Variants in USH2A observed in about 807,000 individuals in gnomAD.
The protein encoded by USH2A is Usher syndrome 2A (autosomal recessive, mild).
A neutral mutation model predicts 538.9 loss-of-function variants in USH2A; 443 were observed. That is an observed-to-expected ratio of 0.82 (90% CI 0.76 to 0.89). USH2A has a LOEUF of 0.89. Ranked by LOEUF, USH2A falls within the 40% of genes least tolerant of loss-of-function variation. USH2A has a pLI of 0.00. For missense variants in USH2A, 6,633 were observed against 6,324.8 expected (o/e 1.05, Z -1.65); for synonymous variants, 2,413 against 2,273.5 (o/e 1.06, Z -1.75).
intron 21 of USH2A, among the ~76,000 whole-genome samples, chr1:216,136,689 G>A (rs2102606989): frequency 6.6e-6 from 1 of 152,284 alleles, no homozygotes; most frequent in East Asian, 1.9e-4. Flanking sequence ...ATGGGGTAGG[G>A]TGAGGCCCTA....
intron 31 of USH2A, 120 bp from the exon 32 acceptor site, chr1:216,046,712 ATTCGTGGGCAGC>A (rs2030537269): frequency 8.5e-7 from 1 of 1,172,858 alleles, no homozygotes; most frequent in African/African-American, 1.5e-5. Context: ...AATATTCCCG[ATTCGTGGGCAGC>A]TTGTCAGTAA....
At chr1:216,051,905 G>A (rs2030795999) in intron 30 of USH2A, among the ~76,000 whole-genome samples, 2 of 152,142 alleles carry the variant, frequency 1.3e-5, no homozygotes, top group Admixed American at 1.3e-4. Context: ...TAACTAGAGT[G>A]AAATGTTGAA....
intron 55 of USH2A, among the ~76,000 whole-genome samples, chr1:215,779,239 G>T (rs939605719): frequency 5.3e-5 from 8 of 152,156 alleles, no homozygotes; most frequent in Non-Finnish European, 8.8e-5. Context: ...TGGCATTTAA[G>T]CTAAAACCTG....
At chr1:215,902,885 T>C (rs1330900749) in intron 38 of USH2A, among the ~76,000 whole-genome samples, 5 of 152,042 alleles carry the variant, frequency 3.3e-5, no homozygotes. Flanking sequence ...AAAGTCTTCA[T>C]AGGAGTTGTA....
chr1:215,672,100 T>C (rs1657836274), intron 63 of USH2A, among the ~76,000 whole-genome samples: 1 of 152,198 alleles, frequency 6.6e-6, no homozygotes, highest in Admixed American at 6.5e-5. Context: ...AAAGGTCTAT[T>C]TACATAGCAG....
chr1:216,297,342 T>C (rs930603874), intron 9 of USH2A, among the ~76,000 whole-genome samples: 1 of 152,076 alleles, frequency 6.6e-6, no homozygotes, highest in African/African-American at 2.4e-5. Context: ...ACAATGACAA[T>C]GGACAGTTAG....
intron 61 of USH2A, among the ~76,000 whole-genome samples, chr1:215,716,897 G>A (rs889742227): frequency 2.6e-5 from 4 of 152,150 alleles, no homozygotes; most frequent in Non-Finnish European, 5.9e-5. Flanking sequence ...TCTTTGGTTG[G>A]CTTAATGGCA....
chr1:216,146,816 C>G (rs2033716292), intron 21 of USH2A, among the ~76,000 whole-genome samples: 1 of 151,940 alleles, frequency 6.6e-6, no homozygotes, highest in African/African-American at 2.4e-5. Context: ...AACCTTCCAC[C>G]CTCCATTCCT....
intron 61 of USH2A, among the ~76,000 whole-genome samples, chr1:215,695,741 TTTTG>T (rs138129030): frequency 0.43 from 65,070 of 150,782 alleles, 14,391 homozygotes; most frequent in Middle Eastern, 0.54. Context: ...AACTTTCTGT[TTTTG>T]TTTGTTTGTT....
chr1:215,766,921 A>G (rs1661149817), intron 55 of USH2A, 133 bp from the exon 56 acceptor site: 4 of 877,504 alleles, frequency 4.6e-6, no homozygotes, highest in Non-Finnish European at 5.5e-6. Context: ...AACACTCTTT[A>G]AAGAAGGTCT....
At chr1:216,209,266 G>A (rs543540927) in intron 15 of USH2A, among the ~76,000 whole-genome samples, 179 of 152,306 alleles carry the variant, frequency 1.2e-3, no homozygotes, top group African/African-American at 4.2e-3. Flanking sequence ...GCTTGAGGCT[G>A]CTTCTACATG....
chr1:216,087,924 G>A (rs927558425), intron 23 of USH2A, among the ~76,000 whole-genome samples: 14 of 152,144 alleles, frequency 9.2e-5, no homozygotes, highest in Non-Finnish European at 1.6e-4. Context: ...AAAGAAAGCC[G>A]TCATATTATG....
At chr1:216,253,605 G>T (rs955376912) in intron 11 of USH2A, among the ~76,000 whole-genome samples, 1 of 152,064 alleles carries the variant, frequency 6.6e-6, no homozygotes, top group Admixed American at 6.6e-5. Flanking sequence ...AATTCTATGC[G>T]TATTGATCAT....
At chr1:216,246,436 T>A in intron 13 of USH2A, 149 bp downstream of exon 13, 1 of 947,760 alleles carries the variant, frequency 1.1e-6, no homozygotes. Context: ...AGTTAAATAG[T>A]TATATATGTG....
chr1:216,376,955 A>G (rs964775751), intron 3 of USH2A, among the ~76,000 whole-genome samples: 1 of 152,174 alleles, frequency 6.6e-6, no homozygotes, highest in African/African-American at 2.4e-5. Context: ...ATCCCATTAT[A>G]TAATAAATAA....
intron 9 of USH2A, among the ~76,000 whole-genome samples, chr1:216,303,315 C>T (rs2037249151): frequency 6.6e-6 from 1 of 151,820 alleles, no homozygotes; most frequent in African/African-American, 2.4e-5. Flanking sequence ...TCAGGATAAC[C>T]TGCATTATTT....
intron 32 of USH2A, among the ~76,000 whole-genome samples, chr1:216,012,671 C>T (rs12738949): frequency 0.2 from 30,489 of 152,050 alleles, 3,187 homozygotes; most frequent in South Asian, 0.3. Flanking sequence ...AAAAGTAGAA[C>T]GGACTAAAGG....
chr1:216,251,161 T>C, intron 11 of USH2A, 63 bp from the exon 12 acceptor site: 1 of 1,557,494 alleles, frequency 6.4e-7, no homozygotes, highest in South Asian at 1.1e-5. Flanking sequence ...ATTTGCTCAT[T>C]AGGTACAAGA....
At chr1:215,904,039 AAG>A (rs1271850758) in intron 38 of USH2A, among the ~76,000 whole-genome samples, 11 of 152,162 alleles carry the variant, frequency 7.2e-5, no homozygotes. Flanking sequence ...ACATAGAAAA[AAG>A]AGCACTGTGA....
Sources: allele counts gnomAD v4.1 joint callset (sites outside exome capture counted in the v4.1 genomes callset), GRCh38; gene constraint gnomAD v4.1.1; transcripts MANE v1.5; gene names NCBI Gene and HGNC (gene_info 2026-07-23, HGNC 2026-07-21).